Variants in KALRN observed in about 807,000 individuals in gnomAD.
The protein encoded by KALRN is kalirin.
In KALRN, 70 loss-of-function variants were observed where a neutral mutation model predicts 353.7. The ratio of observed to expected loss-of-function variants is 0.20; its 90% confidence interval spans 0.16 to 0.24. KALRN has a LOEUF of 0.24. Ranked by LOEUF, KALRN falls within the 10% of genes least tolerant of loss-of-function variation. KALRN has a pLI of 1.00. For missense variants in KALRN, 2,791 were observed against 3,756.7 expected, an observed-to-expected ratio of 0.74 and a Z score of 6.72; for synonymous variants, 1,391 against 1,434.8, an observed-to-expected ratio of 0.97 and a Z score of 0.69.
At chr3:124,036,226 C>T (rs865826996) in intron 1 of KALRN, among the ~76,000 whole-genome samples, 33 of 152,098 alleles carry the variant, frequency 2.2e-4, no homozygotes, top group African/African-American at 6.5e-4. Flanking sequence ...CACCTTCCAC[C>T]CTCAAGTAGG....
intron 6 of KALRN, among the ~76,000 whole-genome samples, chr3:124,310,462 ATGTTGAAAGAG>A (rs2078145367): frequency 6.6e-6 from 1 of 152,222 alleles, no homozygotes; most frequent in Non-Finnish European, 1.5e-5. Flanking sequence ...AGCCAAAATA[ATGTTGAAAGAG>A]AACAAAGTTG....
At chr3:124,484,541 C>T (rs1314329005) in intron 28 of KALRN, among the ~76,000 whole-genome samples, 1 of 152,168 alleles carries the variant, frequency 6.6e-6, no homozygotes, top group African/African-American at 2.4e-5. Flanking sequence ...GACAGAACTG[C>T]TTTCCCTTCT....
chr3:124,181,789 T>G (rs2073632819), intron 1 of KALRN, among the ~76,000 whole-genome samples: 2 of 152,076 alleles, frequency 1.3e-5, no homozygotes, highest in African/African-American at 4.8e-5. Context: ...GGAAAGTGGT[T>G]CCTAGGAGGG....
intron 1 of KALRN, among the ~76,000 whole-genome samples, chr3:124,037,921 G>T (rs898477061): frequency 3.3e-5 from 5 of 151,352 alleles, no homozygotes; most frequent in Non-Finnish European, 7.4e-5. Flanking sequence ...CATGAAGCAT[G>T]GGGGGGGCGA....
chr3:124,165,462 T>A (rs2070686636), intron 1 of KALRN, among the ~76,000 whole-genome samples: 1 of 151,988 alleles, frequency 6.6e-6, no homozygotes, highest in South Asian at 2.1e-4. Flanking sequence ...TTACCAAGGC[T>A]GATGTATGCA....
chr3:124,092,198 T>G (rs1453841519), intron 1 of KALRN, among the ~76,000 whole-genome samples: 1 of 152,226 alleles, frequency 6.6e-6, no homozygotes, highest in East Asian at 1.9e-4. Flanking sequence ...TGTGGAATGT[T>G]TTGCCCTTGA....
intron 1 of KALRN, among the ~76,000 whole-genome samples, chr3:124,083,495 G>A (rs901624988): frequency 6.6e-6 from 1 of 152,118 alleles, no homozygotes; most frequent in Non-Finnish European, 1.5e-5. Flanking sequence ...GCTTAGCATG[G>A]AAACGTGAAG....
chr3:124,665,743 G>A (rs776627767), intron 45 of KALRN, among the ~76,000 whole-genome samples: 1 of 152,202 alleles, frequency 6.6e-6, no homozygotes, highest in Non-Finnish European at 1.5e-5. Context: ...GGGATTACAG[G>A]CATGAGCACC....
In KALRN at chr3:124,349,199, TTATACTAA is replaced by T. The variant is rs2082590827; in HGVS notation, c.1770+1935_1770+1942del. The stretch of plus-strand genomic sequence containing the variant: ...ACAACATGGAGGAACCTTGAAGACA[TTATACTAA>T]GTGAAATAAGCCAGTCACAAAAAGG... On this transcript the variant is annotated intron_variant, in intron 10 of 59. Transcript: ENST00000682506. 2.0e-5 allele frequency among the ~76,000 whole-genome samples: 3 copies of T among 152,298 alleles called. No individual in the cohort carries two copies. In the South Asian group the frequency reaches 6.2e-4, roughly 32 times the overall value.
intron 2 of KALRN, among the ~76,000 whole-genome samples, chr3:124,230,383 C>T (rs2079011536): frequency 6.6e-6 from 1 of 152,170 alleles, no homozygotes; most frequent in African/African-American, 2.4e-5. Context: ...TAATGTATTC[C>T]TCTGAGAATC....
intron 5 of KALRN, among the ~76,000 whole-genome samples, chr3:124,281,485 C>T (rs1318380645): frequency 1.3e-5 from 2 of 152,222 alleles, no homozygotes; most frequent in African/African-American, 2.4e-5. Context: ...AGGGCATTCT[C>T]TTCTGTGCTT....
chr3:124,456,529 C>T, intron 22 of KALRN, 81 bp from the exon 23 acceptor site: 1 of 917,826 alleles, frequency 1.1e-6, no homozygotes. Flanking sequence ...TTTTTTTCCC[C>T]CTTTTACCAC....
chr3:124,316,595 C>T (rs1000554129), intron 6 of KALRN, among the ~76,000 whole-genome samples: 2 of 152,216 alleles, frequency 1.3e-5, no homozygotes, highest in African/African-American at 4.8e-5. Context: ...CCACATGGCT[C>T]ACCTTCTTAC....
intron 23 of KALRN, 122 bp from the exon 24 acceptor site, chr3:124,461,768 T>C: frequency 1.4e-6 from 1 of 693,484 alleles, no homozygotes; most frequent in South Asian, 1.9e-5. Flanking sequence ...AAAAGACCTG[T>C]TGATGAAGTA....
At chr3:124,260,713 G>A (rs1031548207) in intron 3 of KALRN, among the ~76,000 whole-genome samples, 2 of 152,034 alleles carry the variant, frequency 1.3e-5, no homozygotes, top group Non-Finnish European at 2.9e-5. Flanking sequence ...AGGGGGTGGG[G>A]TGTGCAAAAA....
At chr3:124,518,803 C>A in intron 33 of KALRN, 1 of 1,217,204 alleles carries the variant, frequency 8.2e-7, no homozygotes, top group South Asian at 2.3e-5. Flanking sequence ...CGCCCAGGCT[C>A]CTGCTGCCCT....
intron 1 of KALRN, among the ~76,000 whole-genome samples, chr3:124,215,795 C>T (rs75113803): frequency 0.12 from 18,967 of 152,032 alleles, 1,478 homozygotes; most frequent in East Asian, 0.39. Flanking sequence ...TAGAAGACAG[C>T]ATGATGAGCA....
intron 10 of KALRN, among the ~76,000 whole-genome samples, chr3:124,368,480 C>T (rs1401403520): frequency 2.0e-5 from 3 of 150,272 alleles, no homozygotes; most frequent in Admixed American, 1.3e-4. Flanking sequence ...CGGGCAGAGA[C>T]GCTCCTCACT....
In KALRN at chr3:124,562,145, C is replaced by T. The variant is rs1489320930; in HGVS notation, c.4936-698C>T. ...TTCCCTTCTGATTCTTCCTCCTGGTCCCCAGTGCCTGAGCCTTTGAGGCTA... is the reference window on the plus strand; with the variant it reads ...TTCCCTTCTGATTCTTCCTCCTGGTTCCCAGTGCCTGAGCCTTTGAGGCTA... On this transcript the variant is annotated intron_variant, in intron 33 of 59. Transcript: ENST00000682506. Among the ~76,000 whole-genome samples, 4 of 152,288 alleles carry T rather than the reference C, an allele frequency of 2.6e-5. No individual in the cohort carries two copies. In the East Asian group the frequency reaches 7.7e-4, roughly 29 times the overall value.
Sources: gnomAD v4.1 joint callset for allele counts (sites outside exome capture counted in the v4.1 genomes callset) on GRCh38, gnomAD v4.1.1 for gene constraint, MANE v1.5 for transcripts, NCBI Gene and HGNC (gene_info 2026-07-23, HGNC 2026-07-21) for gene names.